Variants in CDH3 observed in about 807,000 individuals in gnomAD.
The protein encoded by CDH3 is cadherin-3.
In CDH3, 54 loss-of-function variants were observed where a neutral mutation model predicts 82.0. That is an observed-to-expected ratio of 0.66 (90% CI 0.53 to 0.83). The LOEUF (loss-of-function observed/expected upper bound fraction) is 0.83. Among genes scored for constraint, CDH3 ranks in the 40% least tolerant of loss-of-function variants. The probability of loss-of-function intolerance (pLI) is 0.00; values close to 1 mark genes in which losing one functional copy is unlikely to be tolerated. For missense variants in CDH3, 1,054 were observed against 1,084.6 expected (o/e 0.97, Z 0.40); for synonymous variants, 446 against 437.9 (o/e 1.02, Z -0.23).
intron 6 of CDH3, among the ~76,000 whole-genome samples, chr16:68,679,347 T>C (rs1191241958): frequency 6.6e-6 from 1 of 152,022 alleles, no homozygotes; most frequent in Non-Finnish European, 1.5e-5. Context: ...AATGCGAAGC[T>C]CTTGAGAGCA....
In CDH3 at chr16:68,698,319, C is replaced by A. The variant is rs999048931; in HGVS notation, c.2409C>A (p.Asp803Glu). The A allele has an allele frequency of 6.2e-7, 1 of 1,614,126 alleles. No individual in the cohort carries two copies. The highest frequency in any genetic ancestry group is 2.2e-5 in the East Asian group (1 of 44,898). ...TCACCTCCTCCGCCTCCGACCAAGA[C>A]CAAGATTACGATTATCTGAACGAGT... ...SSLTSSASDQ[D>E]QDYDYLNEWG... Residue 803 changes from aspartate to glutamate, a missense_variant, in exon 16 of 16, where the codon GAC becomes GAA. Physicochemically the swap from Asp to Glu is conservative, Grantham distance 45 (BLOSUM62 2). Coordinates refer to ENST00000264012, the MANE Select transcript of CDH3 (RefSeq NM_001793.6).
intron 2 of CDH3, among the ~76,000 whole-genome samples, chr16:68,656,589 G>A (rs1423453818): frequency 6.6e-6 from 1 of 152,196 alleles, no homozygotes; most frequent in East Asian, 1.9e-4. Context: ...ACCTCGGCTT[G>A]TCACTTTGTA....
At position 68,646,234 on chromosome 16, in the gene CDH3, C is replaced by T. The variant is rs187632748; in HGVS notation, c.160+484C>T. 21 of 168,372 alleles carry T rather than the reference C, an allele frequency of 1.2e-4. No homozygotes were observed. In the East Asian group the frequency reaches 3.7e-3, roughly 29 times the overall value. The allele number at this position is 168,372 out of a possible 1,614,324, so 10.4% of individuals were successfully genotyped here. On this transcript the variant is annotated intron_variant, in intron 2 of 15. Transcript: ENST00000264012. ...TTCTCCGAGCTTCCCTACCCCGCCCCCCTTCTTCCTCGGCAGCTGGAATGC... is the reference window on the plus strand; with the variant it reads ...TTCTCCGAGCTTCCCTACCCCGCCCTCCTTCTTCCTCGGCAGCTGGAATGC...
downstream of CDH3, among the ~76,000 whole-genome samples, chr16:68,728,526 C>A (rs1264484574): frequency 6.6e-6 from 1 of 151,060 alleles, no homozygotes; most frequent in East Asian, 1.9e-4. Context: ...GAACTCCTGA[C>A]CTCAAGTGAT....
At chr16:68,680,460 C>T (rs1242285736) in intron 7 of CDH3, among the ~76,000 whole-genome samples, 1 of 152,200 alleles carries the variant, frequency 6.6e-6, no homozygotes, top group Non-Finnish European at 1.5e-5. Context: ...GGGAGGATCA[C>T]TTGAGGTCAA....
the CDH3 span, among the ~76,000 whole-genome samples, chr16:68,732,503 C>A: frequency 2.6e-4 from 40 of 152,216 alleles, no homozygotes; most frequent in African/African-American, 4.1e-4. Flanking sequence ...TCCCATCATG[C>A]GGGGTCTGTT....
chr16:68,687,325 ATAGT>A (rs1234705704), intron 11 of CDH3, among the ~76,000 whole-genome samples, 183 bp from the exon 12 acceptor site: 5 of 152,118 alleles, frequency 3.3e-5, no homozygotes, highest in East Asian at 3.9e-4. Flanking sequence ...CTGTGTCATG[ATAGT>A]TAGTAATGTC....
intron 1 of CDH3, among the ~76,000 whole-genome samples, chr16:68,709,367 C>T (rs553930699): frequency 3.3e-5 from 5 of 152,140 alleles, no homozygotes; most frequent in South Asian, 2.1e-4. Flanking sequence ...CCCCTGCACC[C>T]GGCGCAGAAG....
At chr16:68,730,267 C>T (rs184041044), downstream of CDH3, among the ~76,000 whole-genome samples, 3 of 147,546 alleles carry the variant, frequency 2.0e-5, no homozygotes, top group Admixed American at 6.8e-5. Flanking sequence ...TGGCTCATGC[C>T]TGTAATCCCA....
In CDH3 at chr16:68,653,299, T is replaced by C. The variant is rs375894766; in HGVS notation, c.160+7549T>C. On this transcript the variant is annotated intron_variant, in intron 2 of 15. Transcript: ENST00000264012. Reference sequence around the variant, plus strand: ...TTGCCCAGGCTGGAGTGCAATGGCGTGATCTTGGCTCACCGCAACCTCCAC... The same window carrying C: ...TTGCCCAGGCTGGAGTGCAATGGCGCGATCTTGGCTCACCGCAACCTCCAC... Among the ~76,000 whole-genome samples, 698 of 152,218 alleles carry C rather than the reference T, an allele frequency of 4.6e-3. 3 individuals are homozygous for C. Among genetic ancestry groups the C allele is most frequent in the African/African-American group, 0.016 (657 of 41,528 alleles).
chr16:68,721,524 G>C (rs1038765106), intron 1 of CDH3, among the ~76,000 whole-genome samples: 1 of 151,958 alleles, frequency 6.6e-6, no homozygotes, highest in Non-Finnish European at 1.5e-5. Flanking sequence ...ATGAGCCACC[G>C]CACCCGGCCA....
chr16:68,700,379 A>G (rs530476156), downstream of CDH3: 2 of 152,394 alleles, frequency 1.3e-5, no homozygotes, highest in Admixed American at 6.5e-5. Context: ...CGGAACCTCT[A>G]GGCAGGGCCC....
chr16:68,731,038 AAAAAAAAAAATATATATAT>A (rs1962277554), downstream of CDH3, among the ~76,000 whole-genome samples: 3 of 37,648 alleles, frequency 8.0e-5, no homozygotes, highest in African/African-American at 2.0e-4. Context: ...AAAAAAAAAA[AAAAAAAAAAATATATATAT>A]ATATATATAT....
chr16:68,702,155 G>A (rs1348678552), downstream of CDH3, among the ~76,000 whole-genome samples: 1 of 152,102 alleles, frequency 6.6e-6, no homozygotes, highest in Non-Finnish European at 1.5e-5. Context: ...GCCTCCCAAA[G>A]TGCTGGGATT....
In CDH3 at chr16:68,676,395, C is replaced by T. The variant is rs1356739891; in HGVS notation, c.171C>T (p.Gly57=). The part of the protein sequence containing the change: ...PGQALGKVFM[G]CPGQEPALFS... ...TCCCCTTCCCCACAGTATTCATGGG[C>T]TGCCCTGGGCAAGAGCCAGCTCTGT... The change falls in exon 3 of 16, where the codon GGC becomes GGT. Residue 57 remains glycine (G), a synonymous_variant. Coordinates refer to ENST00000264012, the MANE Select transcript of CDH3 (RefSeq NM_001793.6). The T allele has an allele frequency of 1.2e-6, 2 of 1,613,136 alleles. No individual in the cohort carries two copies. The highest frequency in any genetic ancestry group is 1.7e-6 in the Non-Finnish European group (2 of 1,179,040).
At chr16:68,648,257 C>A (rs1472380727) in intron 2 of CDH3, among the ~76,000 whole-genome samples, 1 of 152,128 alleles carries the variant, frequency 6.6e-6, no homozygotes, top group East Asian at 1.9e-4. Context: ...ACAACTTTTA[C>A]CTCCTGGTAT....
chr16:68,704,265 C>T (rs957542080), downstream of CDH3, among the ~76,000 whole-genome samples: 5 of 151,698 alleles, frequency 3.3e-5, no homozygotes, highest in Admixed American at 6.6e-5. Context: ...CCCGCCTGGG[C>T]CACAGAGCGA....
At chr16:68,658,879 G>A (rs1960480641) in intron 2 of CDH3, among the ~76,000 whole-genome samples, 1 of 152,038 alleles carries the variant, frequency 6.6e-6, no homozygotes, top group African/African-American at 2.4e-5. Context: ...AAATTGCCTG[G>A]GGAGCTTTTT....
At chr16:68,721,887 C>T (rs564955338) in intron 1 of CDH3, among the ~76,000 whole-genome samples, 3 of 152,150 alleles carry the variant, frequency 2.0e-5, no homozygotes, top group East Asian at 3.9e-4. Flanking sequence ...GTCAGGAGTT[C>T]GAGACCAGCC....
Sources: gnomAD v4.1 joint callset for allele counts (sites outside exome capture counted in the v4.1 genomes callset) on GRCh38, gnomAD v4.1.1 for gene constraint, MANE v1.5 for transcripts, NCBI Gene and HGNC (gene_info 2026-07-23, HGNC 2026-07-21) for gene names.